Variants in HCN1 observed in about 807,000 individuals in gnomAD.
HCN1 encodes the protein potassium/sodium hyperpolarization-activated cyclic nucleotide-gated channel 1.
Under a neutral mutation model 78.9 loss-of-function variants are expected in HCN1, and 13 were observed. That is an observed-to-expected ratio of 0.16 (90% confidence interval 0.11 to 0.26). HCN1 has a LOEUF of 0.26. Among genes scored for constraint, HCN1 ranks in the 10% least tolerant of loss-of-function variants. HCN1 has a pLI of 1.00. For missense variants in HCN1, 810 were observed against 1,154.3 expected, an observed-to-expected ratio of 0.70 and a Z score of 4.32; for synonymous variants, 552 against 455.5, an observed-to-expected ratio of 1.21 and a Z score of -2.70.
At chr5:45,280,880 TA>T (rs1211762037) in intron 6 of HCN1, among the ~76,000 whole-genome samples, 1 of 152,158 alleles carries the variant, frequency 6.6e-6, no homozygotes, top group Non-Finnish European at 1.5e-5. Flanking sequence ...TTAAACACAT[TA>T]AAAATGCTTT....
intron 1 of HCN1, among the ~76,000 whole-genome samples, chr5:45,686,660 T>C (rs1739815441): frequency 6.6e-6 from 1 of 152,216 alleles, no homozygotes; most frequent in Non-Finnish European, 1.5e-5. Flanking sequence ...TTTGTTTATT[T>C]ACTTGTCTCC....
Position 45,623,827 on chromosome 5 carries a change from C to T in HCN1, c.849+21358G>A, listed in dbSNP as rs550095179. On this transcript the variant is annotated intron_variant, in intron 2 of 7. Coordinates refer to ENST00000303230, the MANE Select transcript of HCN1 (RefSeq NM_021072.4). The stretch of plus-strand genomic sequence containing the variant: ...TAAATGCTATGAACAAAAAATAGAA[C>T]ACAGCAGGATGGATGAGTAATGATG... Among the ~76,000 whole-genome samples, 258 of 152,186 alleles carry T rather than the reference C, an allele frequency of 1.7e-3. 1 individual carries two copies. The highest frequency in any genetic ancestry group is 6.0e-3 in the African/African-American group (250 of 41,522).
chr5:45,282,509 TC>T (rs1294361375), intron 6 of HCN1, among the ~76,000 whole-genome samples: 1 of 152,198 alleles, frequency 6.6e-6, no homozygotes, highest in East Asian at 1.9e-4. Flanking sequence ...AGACAATTCT[TC>T]CCCAAACTTG....
At chr5:45,321,532 G>A (rs1746126326) in intron 5 of HCN1, among the ~76,000 whole-genome samples, 1 of 151,534 alleles carries the variant, frequency 6.6e-6, no homozygotes, top group Admixed American at 6.6e-5. Flanking sequence ...TTTATATTTT[G>A]CAATAGTGTA....
chr5:45,349,178 A>G (rs1338408128), intron 5 of HCN1, among the ~76,000 whole-genome samples: 1 of 152,244 alleles, frequency 6.6e-6, no homozygotes. Flanking sequence ...ACTGTCTCTC[A>G]GACCACAGTG....
intron 3 of HCN1, among the ~76,000 whole-genome samples, chr5:45,457,909 A>G (rs1741060644): frequency 1.3e-5 from 2 of 152,084 alleles, no homozygotes; most frequent in Non-Finnish European, 2.9e-5. Context: ...TTGCATCCCA[A>G]CACTTCTGCA....
intron 2 of HCN1, among the ~76,000 whole-genome samples, chr5:45,541,284 A>G (rs1743101070): frequency 6.6e-6 from 1 of 152,172 alleles, no homozygotes. Flanking sequence ...TTGATGATCA[A>G]GTTGTACATT....
At chr5:45,444,615 T>C (rs890132966) in intron 3 of HCN1, among the ~76,000 whole-genome samples, 6 of 152,240 alleles carry the variant, frequency 3.9e-5, no homozygotes, top group African/African-American at 1.4e-4. Context: ...GATCTTATGT[T>C]TGTCATATGA....
chr5:45,690,620 GCC>G (rs1410954758), intron 1 of HCN1, among the ~76,000 whole-genome samples: 4 of 151,842 alleles, frequency 2.6e-5, no homozygotes, highest in African/African-American at 4.8e-5. Flanking sequence ...ACATCCAGAT[GCC>G]TTCACAAAGA....
At chr5:45,666,972 T>G (rs1232527071) in intron 1 of HCN1, among the ~76,000 whole-genome samples, 1 of 151,912 alleles carries the variant, frequency 6.6e-6, no homozygotes, top group Non-Finnish European at 1.5e-5. Flanking sequence ...AGAGAAGATT[T>G]AAAAAGTGAA....
intron 3 of HCN1, among the ~76,000 whole-genome samples, chr5:45,424,362 C>A (rs1740296028): frequency 6.6e-6 from 1 of 151,762 alleles, no homozygotes; most frequent in Non-Finnish European, 1.5e-5. Flanking sequence ...TAAAGCTGTG[C>A]CTAAGAATCG....
chr5:45,651,563 A>G (rs1745676696), intron 1 of HCN1, among the ~76,000 whole-genome samples: 2 of 152,018 alleles, frequency 1.3e-5, no homozygotes, highest in African/African-American at 2.4e-5. Context: ...CCTCAAAATC[A>G]TGTCCCAAAT....
chr5:45,459,521 CA>C (rs1741100597), intron 3 of HCN1, among the ~76,000 whole-genome samples: 2 of 151,160 alleles, frequency 1.3e-5, no homozygotes, highest in Admixed American at 1.3e-4. Flanking sequence ...TACACACACA[CA>C]CACCACAAAC....
chr5:45,483,516 T>C (rs1407119507), intron 2 of HCN1, among the ~76,000 whole-genome samples: 3 of 152,186 alleles, frequency 2.0e-5, no homozygotes, highest in African/African-American at 7.2e-5. Flanking sequence ...AGATTCTGGA[T>C]ATTAAGGCTT....
intron 6 of HCN1, among the ~76,000 whole-genome samples, chr5:45,294,558 A>G (rs1204205418): frequency 6.6e-6 from 1 of 151,994 alleles, no homozygotes; most frequent in Non-Finnish European, 1.5e-5. Context: ...GTGAATGAGT[A>G]AAGGAGATAT....
intron 2 of HCN1, among the ~76,000 whole-genome samples, chr5:45,606,994 G>A (rs1245937621): frequency 6.6e-6 from 1 of 151,660 alleles, no homozygotes; most frequent in African/African-American, 2.4e-5. Context: ...TGTTAGAAAA[G>A]GAACAGAAGA....
At position 45,497,108 on chromosome 5, in the gene HCN1, A is replaced by T. The variant is rs1360128367; in HGVS notation, c.850-35101T>A. 2.0e-5 allele frequency among the ~76,000 whole-genome samples: 3 copies of T among 152,084 alleles called. No homozygotes were observed. The East Asian group carries it at 5.8e-4, about 29-fold the overall frequency. ...TCTGTTCTTTAAATTTGCTGAGGAG[A>T]TCTTTACTTCCAAGTATGTGGTCAA... is the stretch of plus-strand genomic sequence containing the variant. On this transcript the variant is annotated intron_variant, in intron 2 of 7. Transcript: ENST00000303230.
At chr5:45,652,543 G>A (rs1026043755) in intron 1 of HCN1, among the ~76,000 whole-genome samples, 6 of 151,764 alleles carry the variant, frequency 4.0e-5, no homozygotes, top group African/African-American at 1.5e-4. Context: ...AAGGTAAATG[G>A]TCCTCAAATC....
chr5:45,584,564 C>G (rs981931489), intron 2 of HCN1, among the ~76,000 whole-genome samples: 14 of 152,082 alleles, frequency 9.2e-5, no homozygotes, highest in African/African-American at 3.4e-4. Flanking sequence ...GAATTTGATC[C>G]TGTCATTATA....
Sources: allele counts gnomAD v4.1 joint callset (sites outside exome capture counted in the v4.1 genomes callset), GRCh38; gene constraint gnomAD v4.1.1; transcripts MANE v1.5; gene names NCBI Gene and HGNC (gene_info 2026-07-23, HGNC 2026-07-21).